Variants in AUTS2 observed in about 807,000 individuals in gnomAD.
AUTS2 encodes activator of transcription and developmental regulator AUTS2, also known as autism susceptibility gene 2 protein.
Under a neutral mutation model 112.4 loss-of-function variants are expected in AUTS2, and 17 were observed. The observed-to-expected ratio is 0.15, with a 90% CI of 0.10 to 0.23. The LOEUF is 0.23. Ranked by LOEUF, AUTS2 falls within the 10% of genes least tolerant of loss-of-function variation. The pLI, the probability that AUTS2 is intolerant of heterozygous loss-of-function variation, is 1.00. For synonymous variants in AUTS2, 751 were observed against 702.7 expected, an observed-to-expected ratio of 1.07 and a Z score of -1.09; for missense variants, 1,510 against 1,701.6, an observed-to-expected ratio of 0.89 and a Z score of 1.98.
chr7:70,491,649 C>A (rs1055971771), intron 5 of AUTS2, among the ~76,000 whole-genome samples: 3 of 149,614 alleles, frequency 2.0e-5, no homozygotes, highest in African/African-American at 7.4e-5. Flanking sequence ...GAGTCTCACT[C>A]TGTTGTCCAG....
intron 1 of AUTS2, among the ~76,000 whole-genome samples, chr7:69,818,617 C>G (rs1484208367): frequency 1.3e-5 from 2 of 152,110 alleles, no homozygotes; most frequent in Non-Finnish European, 2.9e-5. Flanking sequence ...TATTGTTTGT[C>G]TATAATTGTA....
chr7:70,209,804 C>T (rs193009270), intron 4 of AUTS2, among the ~76,000 whole-genome samples: 4 of 152,178 alleles, frequency 2.6e-5, no homozygotes, highest in Admixed American at 2.0e-4. Context: ...AACCTAGCAC[C>T]CAAGGTGTTT....
chr7:70,093,191 T>A (rs1004297629), intron 2 of AUTS2, among the ~76,000 whole-genome samples: 2 of 152,132 alleles, frequency 1.3e-5, no homozygotes, highest in Admixed American at 6.5e-5. Context: ...ATCAATTACT[T>A]ATGGCTGTAA....
chr7:70,626,358 T>TAA lies in AUTS2; in HGVS notation c.691-72186_691-72185dup, dbSNP rs10572995. Reference sequence around the variant, plus strand: ...GGGCAACATAGCAAGACCTTGTTTCTAAAAAAAAAAAAAAAAAAAAAAAAA... The same window carrying TAA: ...GGGCAACATAGCAAGACCTTGTTTCTAAAAAAAAAAAAAAAAAAAAAAAAAAA... On this transcript the variant is annotated intron_variant, in intron 5 of 18. Coordinates refer to ENST00000342771, the MANE Select transcript of AUTS2 (RefSeq NM_015570.4). Among the ~76,000 whole-genome samples the TAA allele has an allele frequency of 6.0e-4, 68 of 113,360 alleles. 1 individual carries two copies. Among genetic ancestry groups the TAA allele is most frequent in the Non-Finnish European group, 7.6e-4 (44 of 58,138 alleles). The allele number at this position is 113,360 out of a possible 152,430, so 74.4% of individuals were successfully genotyped here. A position where few individuals can be genotyped will look rare whatever the true frequency, so the allele number is the denominator to read the frequency against.
chr7:70,681,414 A>G (rs1402187810), intron 5 of AUTS2, among the ~76,000 whole-genome samples: 3 of 152,146 alleles, frequency 2.0e-5, no homozygotes, highest in Non-Finnish European at 2.9e-5. Context: ...GAATCAGAGG[A>G]GAGGCTTGGG....
chr7:70,424,052 C>T (rs1384455057), intron 4 of AUTS2, among the ~76,000 whole-genome samples: 1 of 152,152 alleles, frequency 6.6e-6, no homozygotes, highest in Non-Finnish European at 1.5e-5. Context: ...ATTTAATTCT[C>T]ACAAAAATCC....
At chr7:70,071,529 G>A (rs918685756) in intron 2 of AUTS2, among the ~76,000 whole-genome samples, 1 of 152,190 alleles carries the variant, frequency 6.6e-6, no homozygotes, top group African/African-American at 2.4e-5. Context: ...CATCGACACA[G>A]TAGTGGGGAA....
chr7:70,239,293 A>G (rs1304699228), intron 4 of AUTS2, among the ~76,000 whole-genome samples: 1 of 152,142 alleles, frequency 6.6e-6, no homozygotes, highest in Non-Finnish European at 1.5e-5. Context: ...ACTCTGGCCC[A>G]TCATATGTCT....
intron 2 of AUTS2, among the ~76,000 whole-genome samples, chr7:70,076,504 A>T (rs1360093840): frequency 6.6e-6 from 1 of 152,214 alleles, no homozygotes; most frequent in Non-Finnish European, 1.5e-5. Context: ...GACTTACTGT[A>T]GTTAGGTAGA....
intron 6 of AUTS2, among the ~76,000 whole-genome samples, chr7:70,756,457 G>A (rs571811113): frequency 2.0e-5 from 3 of 152,072 alleles, no homozygotes; most frequent in South Asian, 2.1e-4. Context: ...ATTTTATAGC[G>A]CATTCATTTT....
chr7:70,435,975 T>C (rs1795877806), intron 5 of AUTS2, 194 bp downstream of exon 5: 4 of 533,536 alleles, frequency 7.5e-6, no homozygotes, highest in Middle Eastern at 4.5e-4. Flanking sequence ...CTACCTTTTT[T>C]TCATTTAAAC....
chr7:69,884,002 T>G (rs568257672), intron 1 of AUTS2, among the ~76,000 whole-genome samples: 37 of 152,312 alleles, frequency 2.4e-4, no homozygotes, highest in African/African-American at 8.9e-4. Flanking sequence ...AATGGTTGAT[T>G]TCCCTACATC....
intron 4 of AUTS2, among the ~76,000 whole-genome samples, chr7:70,333,755 A>C (rs774107876): frequency 1.3e-4 from 20 of 152,166 alleles, no homozygotes; most frequent in Non-Finnish European, 2.4e-4. Context: ...GGAGATGAAC[A>C]ATGAGAACAC....
At chr7:70,287,875 C>T (rs1412073178) in intron 4 of AUTS2, among the ~76,000 whole-genome samples, 1 of 151,688 alleles carries the variant, frequency 6.6e-6, no homozygotes, top group African/African-American at 2.4e-5. Context: ...AATTTTGAAA[C>T]CTTACCTGTG....
intron 6 of AUTS2, among the ~76,000 whole-genome samples, chr7:70,716,227 T>C (rs550916162): frequency 2.6e-5 from 4 of 152,328 alleles, no homozygotes; most frequent in South Asian, 2.1e-4. Flanking sequence ...GTGAGAACAC[T>C]GGTGACTGGT....
chr7:70,467,251 A>T (rs1162105718), intron 5 of AUTS2, among the ~76,000 whole-genome samples: 1 of 152,210 alleles, frequency 6.6e-6, no homozygotes, highest in Non-Finnish European at 1.5e-5. Context: ...AAGGCCCTTC[A>T]CTTGCTGGGA....
intron 4 of AUTS2, among the ~76,000 whole-genome samples, chr7:70,186,192 A>G (rs549198530): frequency 6.6e-6 from 1 of 152,284 alleles, no homozygotes; most frequent in East Asian, 1.9e-4. Flanking sequence ...ATATGTAAAA[A>G]TCCTGAAGAA....
At chr7:69,876,376 A>ATATATATG (rs1208704942) in intron 1 of AUTS2, among the ~76,000 whole-genome samples, 3 of 114,444 alleles carry the variant, frequency 2.6e-5, no homozygotes, top group Non-Finnish European at 5.3e-5. Context: ...ATATATATAT[A>ATATATATG]TATATATGTA....
chr7:69,740,387 T>C (rs1039039758), intron 1 of AUTS2, among the ~76,000 whole-genome samples: 2 of 152,190 alleles, frequency 1.3e-5, no homozygotes, highest in African/African-American at 2.4e-5. Flanking sequence ...CCAGCTCTGA[T>C]TGACAAGAGC....
Sources: allele counts gnomAD v4.1 joint callset (sites outside exome capture counted in the v4.1 genomes callset), GRCh38; gene constraint gnomAD v4.1.1; transcripts MANE v1.5; gene names NCBI Gene and HGNC (gene_info 2026-07-23, HGNC 2026-07-21).